The following EFHC2 variants were observed in gnomAD, a reference collection of about 807,000 sequenced individuals.
EFHC2 encodes the protein EF-hand domain-containing family member C2.
A neutral mutation model predicts 52.7 loss-of-function variants in EFHC2; 18 were observed. The ratio of observed to expected loss-of-function variants is 0.34; its 90% CI spans 0.24 to 0.51. The LOEUF (loss-of-function observed/expected upper bound fraction) is 0.51, where lower values mean the gene tolerates loss of function less well. Ranked by LOEUF, EFHC2 falls within the 20% of genes least tolerant of loss-of-function variation. The pLI, the probability that EFHC2 is intolerant of heterozygous loss-of-function variation, is 0.97. For synonymous variants in EFHC2, 203 were observed against 204.1 expected (o/e 0.99, Z 0.04); for missense variants, 513 against 562.5 (o/e 0.91, Z 0.89).
chrX:44,326,691 C>T (rs979227945), intron 1 of EFHC2, among the ~76,000 whole-genome samples: 9 of 103,471 alleles, frequency 8.7e-5, no homozygotes, highest in Non-Finnish European at 1.6e-4. Context: ...ATTCTATCAT[C>T]ATCCCTATTT....
At chrX:44,201,988 T>C (rs1029194533) in intron 11 of EFHC2, among the ~76,000 whole-genome samples, 1 of 111,509 alleles carries the variant, frequency 9.0e-6, no homozygotes, top group African/African-American at 3.3e-5. Flanking sequence ...GGAGATCTGC[T>C]ATTACTACTC....
At chrX:44,229,800 G>GA (rs780304152) in intron 10 of EFHC2, 21 bp from the exon 11 acceptor site, 21 of 1,192,736 alleles carry the variant, frequency 1.8e-5, no homozygotes, top group Non-Finnish European at 2.1e-5. Flanking sequence ...GAAATGAAAG[G>GA]AAAAACATAT....
chrX:44,209,049 G>C (rs1474880553), intron 11 of EFHC2, among the ~76,000 whole-genome samples: 4 of 77,790 alleles, frequency 5.1e-5, no homozygotes, highest in Admixed American at 3.9e-4. Context: ...GTGTGTGTGT[G>C]TGTGTGTGTG....
intron 9 of EFHC2, among the ~76,000 whole-genome samples, chrX:44,233,018 A>G (rs2037291776): frequency 1.8e-5 from 2 of 111,556 alleles, no homozygotes; most frequent in South Asian, 7.5e-4. Context: ...AACAAAAAAA[A>G]GAAAAAACAG....
At chrX:44,235,248 C>T in intron 9 of EFHC2, 57 bp downstream of exon 9, 1 of 987,209 alleles carries the variant, frequency 1.0e-6, no homozygotes, top group South Asian at 3.5e-5. Context: ...TAATTTTCAA[C>T]ATGAAGAGAC....
intron 3 of EFHC2, among the ~76,000 whole-genome samples, chrX:44,270,078 G>C (rs2037606420): frequency 9.0e-6 from 1 of 111,421 alleles, no homozygotes; most frequent in Non-Finnish European, 1.9e-5. Context: ...TCTTGGACTG[G>C]TGGCCTTGCT....
chrX:44,157,251 C>G (rs1452460077), intron 14 of EFHC2, among the ~76,000 whole-genome samples: 2 of 112,341 alleles, frequency 1.8e-5, no homozygotes, highest in Non-Finnish European at 3.8e-5. Context: ...GTCCAGGAAA[C>G]TGGTCCTCAA....
At chrX:44,292,255 C>T (rs956011781) in intron 2 of EFHC2, among the ~76,000 whole-genome samples, 1 of 110,575 alleles carries the variant, frequency 9.0e-6, no homozygotes, top group Non-Finnish European at 1.9e-5. Context: ...TATGTAGGTT[C>T]GGTACCCCAT....
rs187909306 is a variant in EFHC2 at position 44,319,051 on chromosome X, C to T, written c.43-6295G>A. 1.3e-3 allele frequency among the ~76,000 whole-genome samples: 138 copies of T among 105,393 alleles called. No homozygotes were observed. The East Asian group carries it at 0.019, about 14-fold the overall frequency. 91.5% of individuals were successfully genotyped at this position (105,393 alleles called of 115,157 possible). On this transcript the variant is annotated intron_variant, in intron 1 of 14. Coordinates refer to ENST00000420999, the MANE Select transcript of EFHC2 (RefSeq NM_025184.4). Reference sequence around the variant, plus strand: ...AGAGTCTCACTCTTGTCGCCCAGGCCGGAGTACAGTGACGTGATCCCAGCT... The same window carrying T: ...AGAGTCTCACTCTTGTCGCCCAGGCTGGAGTACAGTGACGTGATCCCAGCT...
At chrX:44,327,845 T>C (rs1380487202) in intron 1 of EFHC2, among the ~76,000 whole-genome samples, 2 of 112,217 alleles carry the variant, frequency 1.8e-5, no homozygotes, top group African/African-American at 6.5e-5. Flanking sequence ...TAATTTCCTC[T>C]CTTTCTAAAA....
At chrX:44,314,994 T>A (rs755436059) in intron 1 of EFHC2, among the ~76,000 whole-genome samples, 11 of 111,635 alleles carry the variant, frequency 9.9e-5, no homozygotes, top group Non-Finnish European at 1.9e-4. Flanking sequence ...TGAAATGTGA[T>A]TCTCAGTGTT....
chrX:44,203,424 A>G (rs777164430), intron 11 of EFHC2, among the ~76,000 whole-genome samples: 46 of 111,580 alleles, frequency 4.1e-4, no homozygotes, highest in African/African-American at 1.4e-3. Flanking sequence ...GGTAGCCATC[A>G]GAAAGGTGGA....
rs371202689 is a variant in EFHC2, at chrX:44,164,118, C to A, written c.2043-91G>T. The A allele has an allele frequency of 6.4e-6, 3 of 472,049 alleles. No homozygotes were observed. The African/African-American group carries it at 7.4e-5, about 12-fold the overall frequency. 38.9% of individuals were successfully genotyped at this position (472,049 alleles called of 1,213,427 possible). ...TCAATTTTATCATGAAAACATAATACCATATATGCTTCAATATCTGATAGT... is the reference window on the plus strand; with the variant it reads ...TCAATTTTATCATGAAAACATAATAACATATATGCTTCAATATCTGATAGT... On this transcript the variant is annotated intron_variant, in intron 13 of 14. Coordinates refer to ENST00000420999, the MANE Select transcript of EFHC2 (RefSeq NM_025184.4).
intron 1 of EFHC2, among the ~76,000 whole-genome samples, chrX:44,326,805 T>C (rs1317405430): frequency 4.1e-5 from 4 of 98,639 alleles, no homozygotes; most frequent in African/African-American, 1.5e-4. Flanking sequence ...CATGGCTCAC[T>C]GCAGCCTCAA....
intron 11 of EFHC2, among the ~76,000 whole-genome samples, chrX:44,193,905 G>A (rs1309335742): frequency 2.7e-5 from 3 of 111,862 alleles, no homozygotes; most frequent in Non-Finnish European, 5.6e-5. Flanking sequence ...AAGAGGATGA[G>A]GGGCAGAGTA....
chrX:44,193,338 T>G (rs948390287), intron 11 of EFHC2, among the ~76,000 whole-genome samples: 1 of 101,821 alleles, frequency 9.8e-6, no homozygotes, highest in Non-Finnish European at 2.0e-5. Context: ...CTAAAATACA[T>G]AAACCAAGCT....
intron 11 of EFHC2, among the ~76,000 whole-genome samples, chrX:44,186,651 G>T (rs751758833): frequency 1.4e-4 from 16 of 111,265 alleles, no homozygotes; most frequent in South Asian, 1.1e-3. Flanking sequence ...ATGATGAAGG[G>T]TGCCTCCAAA....
At chrX:44,218,861 C>T (rs947798417) in intron 11 of EFHC2, among the ~76,000 whole-genome samples, 1 of 111,630 alleles carries the variant, frequency 9.0e-6, no homozygotes, top group Non-Finnish European at 1.9e-5. Context: ...GAAATAAAAA[C>T]ACATGTTTAC....
chrX:44,289,506 A>C (rs764187102), intron 2 of EFHC2, among the ~76,000 whole-genome samples: 1 of 110,632 alleles, frequency 9.0e-6, no homozygotes, highest in South Asian at 3.8e-4. Context: ...GAGAATTCCA[A>C]TGTCAACTTT....
Sources: allele counts gnomAD v4.1 joint callset (sites outside exome capture counted in the v4.1 genomes callset), GRCh38; gene constraint gnomAD v4.1.1; transcripts MANE v1.5; gene names NCBI Gene and HGNC (gene_info 2026-07-23, HGNC 2026-07-21).